The following ADAM22 variants were observed in gnomAD, a reference collection of about 807,000 sequenced individuals.
ADAM22 encodes the protein disintegrin and metalloproteinase domain-containing protein 22.
ADAM22 carries 65 observed loss-of-function variants against 144.6 expected under a neutral mutation model. The observed-to-expected ratio is 0.45, with a 90% CI of 0.37 to 0.55. ADAM22 has a LOEUF of 0.55. Among genes scored for constraint, ADAM22 ranks in the 20% least tolerant of loss-of-function variants. The pLI, the probability that ADAM22 is intolerant of heterozygous loss-of-function variation, is 0.00. For missense variants in ADAM22, 974 were observed against 1,184.9 expected, an observed-to-expected ratio of 0.82 and a Z score of 2.61; for synonymous variants, 391 against 412.6, an observed-to-expected ratio of 0.95 and a Z score of 0.63.
At chr7:87,979,773 T>A (rs1228204639) in intron 3 of ADAM22, among the ~76,000 whole-genome samples, 1 of 152,054 alleles carries the variant, frequency 6.6e-6, no homozygotes, top group Non-Finnish European at 1.5e-5. Context: ...AGAGGTAAGA[T>A]GACTAGGAGA....
intron 3 of ADAM22, among the ~76,000 whole-genome samples, chr7:88,014,023 C>T (rs566769761): frequency 6.6e-6 from 1 of 152,290 alleles, no homozygotes; most frequent in African/African-American, 2.4e-5. Context: ...TAAGGAGTAA[C>T]ATCTATGAAA....
Position 87,934,258 on chromosome 7 carries a change from C to A in ADAM22, c.-208C>A. 2 of 508,514 alleles carry A rather than the reference C, an allele frequency of 3.9e-6. No individual in the cohort carries two copies. The highest frequency in any genetic ancestry group is 3.6e-5 in the East Asian group (1 of 27,966). The allele number at this position is 508,514 out of a possible 1,614,324, so 31.5% of individuals were successfully genotyped here. A position where few individuals can be genotyped will look rare whatever the true frequency, so the allele number is the denominator to read the frequency against. ...CCAACCGCCCAATGCAGCACTCGCT[C>A]GCTCCCCCCGCCAGCGGAAGCGTCC... On this transcript the variant is annotated 5_prime_UTR_variant, in exon 1 of 32. Coordinates refer to ENST00000413139, the MANE Select transcript of ADAM22 (RefSeq NM_001324418.2).
At chr7:88,168,965 A>C in intron 25 of ADAM22, among the ~76,000 whole-genome samples, 1 of 152,114 alleles carries the variant, frequency 6.6e-6, no homozygotes, top group East Asian at 1.9e-4. Flanking sequence ...AATTTTAGAC[A>C]TTTACCCCAT....
intron 21 of ADAM22, among the ~76,000 whole-genome samples, chr7:88,153,561 T>C (rs191490965): frequency 1.3e-5 from 2 of 152,282 alleles, no homozygotes; most frequent in African/African-American, 4.8e-5. Flanking sequence ...CAGGATTTTC[T>C]TACCTAGAAG....
chr7:88,145,059 T>C (rs971486820), intron 15 of ADAM22, 66 bp from the exon 16 acceptor site: 23 of 1,419,492 alleles, frequency 1.6e-5, no homozygotes, highest in Non-Finnish European at 2.3e-5. Context: ...ATGGCACTTA[T>C]GGTCTCTCAA....
chr7:88,001,028 G>C (rs1390972312), intron 3 of ADAM22, among the ~76,000 whole-genome samples: 1 of 152,148 alleles, frequency 6.6e-6, no homozygotes, highest in Non-Finnish European at 1.5e-5. Flanking sequence ...ATCTTTTGGG[G>C]CTAAGAAGAA....
chr7:87,937,907 G>A (rs537002690), intron 2 of ADAM22, among the ~76,000 whole-genome samples: 2 of 152,336 alleles, frequency 1.3e-5, no homozygotes, highest in South Asian at 4.1e-4. Flanking sequence ...GGTACACATA[G>A]TACATGTTGA....
intron 3 of ADAM22, among the ~76,000 whole-genome samples, chr7:88,022,692 T>C (rs558559232): frequency 1.3e-5 from 2 of 152,322 alleles, no homozygotes; most frequent in East Asian, 3.9e-4. Flanking sequence ...ATTTAAGACT[T>C]CCTCTGATTT....
chr7:88,193,162 G>A lies in ADAM22; in HGVS notation c.2797G>A (p.Ala933Thr). The A allele has an allele frequency of 6.2e-7, 1 of 1,614,032 alleles. No individual in the cohort carries two copies. Among genetic ancestry groups the A allele is most frequent in the Non-Finnish European group, 8.5e-7 (1 of 1,179,958 alleles). The change falls in exon 31 of 32, where the codon GCC becomes ACC. Residue 933 changes from alanine to threonine, a missense_variant. Ala to Thr is a moderately conservative substitution (Grantham distance 58). Around this residue, in one of 2 missense-constraint regions of ADAM22, gnomAD observed 734 missense variants for 950.6 expected, o/e 0.77. Transcript: ENST00000413139. ...KSPSSSTGSI[A>T]SSRKYPYPMP... ...TCCTTCTTCATCAACTGGGTCTATTGCCTCCAGCAGAAAATACCCTTACCC... is the reference window on the plus strand; with the variant it reads ...TCCTTCTTCATCAACTGGGTCTATTACCTCCAGCAGAAAATACCCTTACCC...
chr7:88,167,531 C>T (rs1415152812), intron 24 of ADAM22, among the ~76,000 whole-genome samples: 2 of 152,150 alleles, frequency 1.3e-5, no homozygotes, highest in Non-Finnish European at 2.9e-5. Context: ...TCCTCCAGCT[C>T]ACTCAACTCT....
At chr7:88,057,433 A>T (rs1449378535) in intron 3 of ADAM22, among the ~76,000 whole-genome samples, 1 of 152,190 alleles carries the variant, frequency 6.6e-6, no homozygotes, top group African/African-American at 2.4e-5. Flanking sequence ...TTTTTCTTGT[A>T]TGTCACATAC....
In ADAM22 at chr7:88,040,509, G is replaced by A. The variant is rs774785142; in HGVS notation, c.324-35117G>A. On this transcript the variant is annotated intron_variant, in intron 3 of 31. Coordinates refer to ENST00000413139, the MANE Select transcript of ADAM22 (RefSeq NM_001324418.2). ...CTAGATTTTCACACATCTGTAAGTG[G>A]TTCTGTCTATACTTCCCCTGTCATC... Among the ~76,000 whole-genome samples, 120 of 151,992 alleles carry A rather than the reference G, an allele frequency of 7.9e-4. 2 individuals are homozygous for A. The highest frequency in any genetic ancestry group is 1.4e-3 in the Non-Finnish European group (98 of 67,942).
At chr7:88,145,277 A>C in intron 16 of ADAM22, 81 bp downstream of exon 16, 1 of 1,516,548 alleles carries the variant, frequency 6.6e-7, no homozygotes, top group Non-Finnish European at 9.1e-7. Context: ...GTATGGAGCA[A>C]ATGTCATGCC....
rs147977773 is a variant in ADAM22 at position 88,021,803 on chromosome 7, A to C, written c.323+43391A>C. 5.5e-3 allele frequency among the ~76,000 whole-genome samples: 832 copies of C among 152,234 alleles called. 5 individuals are homozygous for C. The highest frequency in any genetic ancestry group is 0.019 in the African/African-American group (806 of 41,544). On this transcript the variant is annotated intron_variant, in intron 3 of 31. Coordinates refer to ENST00000413139, the MANE Select transcript of ADAM22 (RefSeq NM_001324418.2). ...CAGGAAATTCTGATAGAGGTTTTCG[A>C]GTCATAAAAGACTCAGAGACAATGG...
At chr7:87,981,307 G>T (rs1229529293) in intron 3 of ADAM22, among the ~76,000 whole-genome samples, 1 of 152,124 alleles carries the variant, frequency 6.6e-6, no homozygotes, top group Non-Finnish European at 1.5e-5. Context: ...ATTCTGTTGT[G>T]CAGCTCTCAG....
At chr7:88,056,861 C>A (rs1184217130) in intron 3 of ADAM22, among the ~76,000 whole-genome samples, 1 of 152,110 alleles carries the variant, frequency 6.6e-6, no homozygotes, top group African/African-American at 2.4e-5. Flanking sequence ...GAAACTAACT[C>A]AAGTTAGGTC....
Position 88,037,001 on chromosome 7 carries a change from C to G in ADAM22, c.324-38625C>G, listed in dbSNP as rs139314412. Among the ~76,000 whole-genome samples, 1,361 of 152,168 alleles carry G rather than the reference C, an allele frequency of 8.9e-3. 13 individuals are homozygous for G. Among genetic ancestry groups the G allele is most frequent in the Non-Finnish European group, 0.012 (820 of 67,932 alleles). ...TCTGTCATAAACATTTCCATGTATT[C>G]CACATTCATTTATGGCTACATATTT... is the stretch of plus-strand genomic sequence containing the variant. On this transcript the variant is annotated intron_variant, in intron 3 of 31. Transcript: ENST00000413139.
At chr7:88,100,240 C>T (rs746250529) in intron 4 of ADAM22, among the ~76,000 whole-genome samples, 2 of 151,948 alleles carry the variant, frequency 1.3e-5, no homozygotes, top group African/African-American at 2.4e-5. Flanking sequence ...AGGAAGTAAA[C>T]ATAGAACAAA....
rs181151330 is a variant in ADAM22, at chr7:88,062,066, C to T, written c.324-13560C>T. Among the ~76,000 whole-genome samples, 17 of 152,174 alleles carry T rather than the reference C, an allele frequency of 1.1e-4. No individual in the cohort carries two copies. In the East Asian group the frequency reaches 2.3e-3, roughly 21 times the overall value. On this transcript the variant is annotated intron_variant, in intron 3 of 31. Coordinates refer to ENST00000413139, the MANE Select transcript of ADAM22 (RefSeq NM_001324418.2). The stretch of plus-strand genomic sequence containing the variant: ...CTGTGTTGCCCAGGCTAGTCTCAAA[C>T]ACCTGAGCTCAAGCCATCGTCTTGC...
Sources: gnomAD v4.1 joint callset for allele counts (sites outside exome capture counted in the v4.1 genomes callset) on GRCh38, gnomAD v4.1.1 for gene constraint, gnomAD v4.1.1 regional missense constraint, MANE v1.5 for transcripts, NCBI Gene and HGNC (gene_info 2026-07-23, HGNC 2026-07-21) for gene names.